GPR107: variants seen among roughly 807,000 people sequenced by gnomAD.
GPR107 encodes G protein-coupled receptor 107.
Under a neutral mutation model 75.5 loss-of-function variants are expected in GPR107, and 31 were observed. The observed-to-expected ratio is 0.41, with a 90% CI of 0.31 to 0.55. The LOEUF (loss-of-function observed/expected upper bound fraction) is 0.55. Among genes scored for constraint, GPR107 ranks in the 20% least tolerant of loss-of-function variants. The probability of loss-of-function intolerance (pLI) is 0.26; values close to 1 mark genes in which losing one functional copy is unlikely to be tolerated. For synonymous variants in GPR107, 267 were observed against 251.3 expected, an observed-to-expected ratio of 1.06 and a Z score of -0.59; for missense variants, 572 against 665.7, an observed-to-expected ratio of 0.86 and a Z score of 1.55.
chr9:130,063,400 C>T (rs1240794698), intron 1 of GPR107, among the ~76,000 whole-genome samples: 1 of 152,196 alleles, frequency 6.6e-6, no homozygotes, highest in African/African-American at 2.4e-5. Flanking sequence ...CCGTGTTAGC[C>T]AGGATGGTCT....
intron 14 of GPR107, among the ~76,000 whole-genome samples, chr9:130,114,029 C>CTTTTTTTTTTTTTTTT (rs60616601): frequency 5.5e-5 from 5 of 90,674 alleles, no homozygotes; most frequent in South Asian, 4.3e-4. Flanking sequence ...TCTTCTCATT[C>CTTTTTTTTTTTTTTTT]TTTTTTTTTT....
chr9:130,138,896 C>A lies in GPR107; in HGVS notation c.*3775C>A, dbSNP rs1832026789. ...GATGCATTCTGGCCTTCTCCCCCGTCCTGAAACATTTTCTTTGAGGAAGGC... is the reference window on the plus strand; with the variant it reads ...GATGCATTCTGGCCTTCTCCCCCGTACTGAAACATTTTCTTTGAGGAAGGC... On this transcript the variant is annotated 3_prime_UTR_variant, in exon 18 of 18. Coordinates refer to ENST00000347136, the MANE Select transcript of GPR107 (RefSeq NM_020960.5). The A allele has an allele frequency of 6.6e-6, 1 of 152,208 alleles. No individual in the cohort carries two copies. Among genetic ancestry groups the A allele is most frequent in the Non-Finnish European group, 1.5e-5 (1 of 68,070 alleles). 9.4% of individuals were successfully genotyped at this position (152,208 alleles called of 1,614,324 possible).
At chr9:130,119,334 G>A (rs1216694124) in intron 14 of GPR107, among the ~76,000 whole-genome samples, 1 of 152,212 alleles carries the variant, frequency 6.6e-6, no homozygotes, top group Non-Finnish European at 1.5e-5. Context: ...TCTTGCCAGA[G>A]GTGGCAGCCG....
At chr9:130,089,416 G>A (rs1478878165) in intron 7 of GPR107, among the ~76,000 whole-genome samples, 1 of 152,164 alleles carries the variant, frequency 6.6e-6, no homozygotes, top group Non-Finnish European at 1.5e-5. Context: ...AAGTCGTCAT[G>A]ATTTCTCGCT....
chr9:130,063,689 G>A (rs1829988097), intron 1 of GPR107, among the ~76,000 whole-genome samples: 1 of 151,074 alleles, frequency 6.6e-6, no homozygotes. Context: ...TGATTGCTGG[G>A]GTTTCTTAAT....
In GPR107 at chr9:130,138,731, ATAT is replaced by A. The variant is rs1216921193; in HGVS notation, c.*3615_*3617del. 1 of 152,036 alleles carries A rather than the reference ATAT, an allele frequency of 6.6e-6. No homozygotes were observed. The highest frequency in any genetic ancestry group is 1.5e-5 in the Non-Finnish European group (1 of 68,014). 9.4% of individuals were successfully genotyped at this position (152,036 alleles called of 1,614,324 possible). On this transcript the variant is annotated 3_prime_UTR_variant, in exon 18 of 18. Coordinates refer to ENST00000347136, the MANE Select transcript of GPR107 (RefSeq NM_020960.5). ...CTCAAGAGTGGCATACTCATGCCAAATATTATTGCTCTGGGCCATATAGGCTGG... is the reference window on the plus strand; with the variant it reads ...CTCAAGAGTGGCATACTCATGCCAAATATTGCTCTGGGCCATATAGGCTGG...
chr9:130,090,738 T>A, intron 7 of GPR107, 138 bp from the exon 8 acceptor site: 3 of 470,834 alleles, frequency 6.4e-6, no homozygotes, highest in East Asian at 3.6e-5. Flanking sequence ...TATTCATAAC[T>A]TATTTCTAAG....
intron 17 of GPR107, chr9:130,133,351 A>G (rs1340301301): frequency 6.6e-6 from 1 of 152,240 alleles, no homozygotes; most frequent in Non-Finnish European, 1.5e-5. Flanking sequence ...GCCTCTTAGA[A>G]TCAACGTGCA....
chr9:130,082,174 C>CG (rs1224988904), intron 5 of GPR107, among the ~76,000 whole-genome samples: 2 of 152,188 alleles, frequency 1.3e-5, no homozygotes, highest in Admixed American at 1.3e-4. Flanking sequence ...CCTCATGACT[C>CG]AGATACCTCA....
At chr9:130,058,608 G>A (rs554900299) in intron 1 of GPR107, among the ~76,000 whole-genome samples, 5 of 152,044 alleles carry the variant, frequency 3.3e-5, no homozygotes, top group Non-Finnish European at 5.9e-5. Flanking sequence ...GAGATTACAG[G>A]CACCTGCCAC....
chr9:130,064,223 C>T (rs1312099196), intron 1 of GPR107, among the ~76,000 whole-genome samples: 2 of 122,068 alleles, frequency 1.6e-5, no homozygotes, highest in Non-Finnish European at 3.2e-5. Context: ...CGGAGTCTCG[C>T]TCTGTCGCCC....
chr9:130,082,643 A>G (rs1344009212), intron 5 of GPR107, among the ~76,000 whole-genome samples: 2 of 151,350 alleles, frequency 1.3e-5, no homozygotes, highest in African/African-American at 4.9e-5. Context: ...CCACGTGGCT[A>G]ATTTTTTTGT....
chr9:130,056,174 G>A (rs567121107), intron 1 of GPR107, among the ~76,000 whole-genome samples: 8 of 152,122 alleles, frequency 5.3e-5, no homozygotes, highest in South Asian at 2.1e-4. Context: ...AAACTTGGCC[G>A]GGCACGGTGG....
At chr9:130,128,249 T>G (rs1469458801) in intron 16 of GPR107, among the ~76,000 whole-genome samples, 1 of 152,254 alleles carries the variant, frequency 6.6e-6, no homozygotes, top group Admixed American at 6.5e-5. Context: ...TTGCCCATTT[T>G]ATTATTTCGA....
rs1589499580 is a variant in GPR107 at position 130,084,947 on chromosome 9, G to A, written c.564+1345G>A. On this transcript the variant is annotated intron_variant, in intron 6 of 17. Transcript: ENST00000347136. ...TTCAGGGAAGAGAAAGACAAGGGAG[G>A]GGAGGAAGAATGCCATACGCAAAGA... Among the ~76,000 whole-genome samples the A allele has an allele frequency of 3.9e-5, 6 of 152,216 alleles. 1 individual carries two copies. Among genetic ancestry groups the A allele is most frequent in the Admixed American group, 3.9e-4 (6 of 15,278 alleles).
chr9:130,129,930 C>G (rs72759160), intron 17 of GPR107: 1 of 152,238 alleles, frequency 6.6e-6, no homozygotes, highest in Non-Finnish European at 1.5e-5. Context: ...GGGAGGTTCC[C>G]GCTTCCCACA....
chr9:130,068,761 A>C (rs79380370), intron 1 of GPR107, among the ~76,000 whole-genome samples: 1,536 of 137,162 alleles, frequency 0.011, 27 homozygotes, highest in African/African-American at 0.039. Flanking sequence ...ATTTTTTTTG[A>C]GACGAGGTTT....
At chr9:130,108,504 T>C (rs550083542) in intron 14 of GPR107, among the ~76,000 whole-genome samples, 1 of 152,204 alleles carries the variant, frequency 6.6e-6, no homozygotes, top group African/African-American at 2.4e-5. Context: ...CAGCCCTAGG[T>C]TGTTATTTAG....
intron 1 of GPR107, among the ~76,000 whole-genome samples, chr9:130,071,320 C>G (rs1830206364): frequency 6.6e-6 from 1 of 151,112 alleles, no homozygotes; most frequent in South Asian, 2.1e-4. Flanking sequence ...AGCCACCTCG[C>G]CTGGCCCCTC....
Sources: allele counts gnomAD v4.1 joint callset (sites outside exome capture counted in the v4.1 genomes callset), GRCh38; gene constraint gnomAD v4.1.1; transcripts MANE v1.5; gene names NCBI Gene and HGNC (gene_info 2026-07-23, HGNC 2026-07-21).